The following MYLK2 variants were observed in gnomAD, a reference collection of about 807,000 sequenced individuals.
MYLK2 encodes the protein myosin light chain kinase 2, skeletal/cardiac muscle.
In MYLK2, 27 loss-of-function variants were observed where a neutral mutation model predicts 58.2. That is an observed-to-expected ratio of 0.46 (90% CI 0.34 to 0.64). MYLK2 has a LOEUF of 0.64. Among genes scored for constraint, MYLK2 ranks in the 30% least tolerant of loss-of-function variants. The pLI is 0.01. For missense variants in MYLK2, 676 were observed against 764.3 expected (o/e 0.88, Z 1.36); for synonymous variants, 310 against 296.7 (o/e 1.04, Z -0.46).
chr20:31,826,369 A>T, intron 6 of MYLK2, among the ~76,000 whole-genome samples: 1 of 151,736 alleles, frequency 6.6e-6, no homozygotes, highest in African/African-American at 2.4e-5. Context: ...GAGGATGGAG[A>T]TCTTGGCATG....
Position 31,830,845 on chromosome 20 carries a change from C to T in MYLK2, c.1251C>T (p.Thr417=). 1.2e-6 allele frequency: 2 copies of T among 1,613,892 alleles called. No individual in the cohort carries two copies. Among genetic ancestry groups the T allele is most frequent in the East Asian group, 2.2e-5 (1 of 44,848 alleles). Residue 417 remains threonine, a synonymous_variant, in exon 9 of 13, where the codon ACC becomes ACT. Transcript: ENST00000375985. The part of the protein sequence containing the change: ...LKPENILCVN[T]TGHLVKIIDF... ...CAGAGAACATCCTGTGTGTCAACAC[C>T]ACCGGGCATTTGGTGAAGATCATTG... is the stretch of plus-strand genomic sequence containing the variant.
chr20:31,826,677 A>G lies in MYLK2; in HGVS notation c.1045A>G (p.Ile349Val). The G allele has an allele frequency of 6.2e-7, 1 of 1,614,114 alleles. No homozygotes were observed. The highest frequency in any genetic ancestry group is 8.5e-7 in the Non-Finnish European group (1 of 1,180,022). Reference sequence around the variant, plus strand: ...CAATCTGATCCAGCTGTATGCAGCCATCGAGACTCCGCATGAGATCGTCCT... The same window carrying G: ...CAATCTGATCCAGCTGTATGCAGCCGTCGAGACTCCGCATGAGATCGTCCT... ...HRNLIQLYAAIETPHEIVLFM... is the reference protein window; with the variant it reads ...HRNLIQLYAAVETPHEIVLFM... Residue 349 changes from isoleucine to valine, a missense_variant, in exon 7 of 13, where the codon ATC becomes GTC. Transcript: ENST00000375985.
rs767339174 is a variant in MYLK2, at chr20:31,821,708, C to T, written c.743C>T (p.Ala248Val). Residue 248 changes from alanine (A) to valine (V), a missense_variant, in exon 4 of 13, where the codon GCC becomes GTC. This residue lies in a region of MYLK2 where 370 missense variants were observed against 467.8 expected (regional missense o/e 0.79). Coordinates refer to ENST00000375985, the MANE Select transcript of MYLK2 (RefSeq NM_033118.4). ...GTGGGGCAGGCCCTCTGTCTCACAG[C>T]CAGGGAGGAGGACTGCTTCCAGATT... Reference protein sequence around the residue: ...SEVGQALCLTAREEDCFQILD... With the variant: ...SEVGQALCLTVREEDCFQILD... 6.2e-7 allele frequency: 1 copy of T among 1,609,196 alleles called. No individual in the cohort carries two copies.
rs1244365771 is a variant in MYLK2, at chr20:31,820,448, G to A, written c.375G>A (p.Lys125=). ...QGASGSQDPG[K]PRVGKKAAEG... is the part of the protein sequence containing the mutation. ...CCTCAGGCAGCCAGGATCCTGGAAA[G>A]CCCAGGGTGGGCAAGAAGGCAGCAG... The change falls in exon 3 of 13, where the codon AAG becomes AAA. Residue 125 remains lysine (K), a synonymous_variant. Coordinates refer to ENST00000375985, the MANE Select transcript of MYLK2 (RefSeq NM_033118.4). 3 of 1,612,472 alleles carry A rather than the reference G, an allele frequency of 1.9e-6. No individual in the cohort carries two copies. Among genetic ancestry groups the A allele is most frequent in the South Asian group, 2.2e-5 (2 of 91,090 alleles).
chr20:31,832,826 G>T (rs1425829473), intron 12 of MYLK2, among the ~76,000 whole-genome samples: 1 of 152,156 alleles, frequency 6.6e-6, no homozygotes, highest in East Asian at 1.9e-4. Context: ...GTGGAAATAG[G>T]CAGGGTTAAA....
At chr20:31,827,517 A>G (rs1169562906) in intron 8 of MYLK2, 2 of 985,154 alleles carry the variant, frequency 2.0e-6, no homozygotes, top group Non-Finnish European at 2.4e-6. Context: ...AAGAATATTG[A>G]TATCCTTCTT....
rs1568627884 is a variant in MYLK2, at chr20:31,821,580, G to A, written c.615G>A (p.Lys205=). The change falls in exon 4 of 13, where the codon AAG becomes AAA. Residue 205 remains lysine, a synonymous_variant. Transcript: ENST00000375985. The part of the protein sequence containing the change: ...EGKNILAESQ[K]EVGEKTPGQA... ...AGAACATCCTGGCAGAGAGCCAGAA[G>A]GAAGTGGGAGAGAAAACCCCAGGCC... 4 of 1,614,152 alleles carry A rather than the reference G, an allele frequency of 2.5e-6. No individual in the cohort carries two copies. Among genetic ancestry groups the A allele is most frequent in the Non-Finnish European group, 3.4e-6 (4 of 1,180,056 alleles).
At position 31,831,156 on chromosome 20, in the gene MYLK2, G is replaced by A. The variant is rs762322372; in HGVS notation, c.1424+15G>A. ...ACCTACATGCTGTGAGCTCCCAGGC[G>A]GGTCGTGTTTATGGGGTTGGTGGGG... On this transcript the variant is annotated intron_variant, in intron 10 of 12. Transcript: ENST00000375985. 3.2e-5 allele frequency: 51 copies of A among 1,613,928 alleles called. No individual in the cohort carries two copies. Among genetic ancestry groups the A allele is most frequent in the Non-Finnish European group, 3.7e-5 (44 of 1,179,982 alleles).
chr20:31,828,856 G>A (rs1418510544), intron 8 of MYLK2, among the ~76,000 whole-genome samples: 2 of 152,190 alleles, frequency 1.3e-5, no homozygotes, highest in African/African-American at 2.4e-5. Context: ...GGCCAGAGTG[G>A]ATGCAGGGAA....
rs1405030492 is a variant in MYLK2 at position 31,823,520 on chromosome 20, G to A, written c.816G>A (p.Val272=). ...PPPAPFPHRM[V]ELRTGNVSSE... ...CGGCCCCCTTCCCTCACCGCATGGT[G>A]GAGCTGAGGACCGGGAATGTCAGCA... Residue 272 remains valine (V), a synonymous_variant, in exon 5 of 13, where the codon GTG becomes GTA. Coordinates refer to ENST00000375985, the MANE Select transcript of MYLK2 (RefSeq NM_033118.4). 13 of 1,613,834 alleles carry A rather than the reference G, an allele frequency of 8.1e-6. No individual in the cohort carries two copies. Among genetic ancestry groups the A allele is most frequent in the South Asian group, 2.2e-5 (2 of 91,088 alleles).
chr20:31,823,597 C>G lies in MYLK2; in HGVS notation c.878+15C>G. 1.2e-6 allele frequency: 2 copies of G among 1,610,994 alleles called. No individual in the cohort carries two copies. The highest frequency in any genetic ancestry group is 1.7e-6 in the Non-Finnish European group (2 of 1,177,586). ...GCGCTCGGAGGGTGAGATCTGGGACCCCAGCTGGGCACTCATGGACAGAGA... is the reference window on the plus strand; with the variant it reads ...GCGCTCGGAGGGTGAGATCTGGGACGCCAGCTGGGCACTCATGGACAGAGA... On this transcript the variant is annotated intron_variant, in intron 5 of 12. Transcript: ENST00000375985.
In MYLK2 at chr20:31,833,801, C is replaced by G; in HGVS notation, c.*4C>G. ...ACTGATGGCTCTGGGGGTCTGAGCC[C>G]TGGGCGCAGCTGAAGCCTGGACGCA... On this transcript the variant is annotated 3_prime_UTR_variant, in exon 13 of 13. Transcript: ENST00000375985. The G allele has an allele frequency of 6.2e-7, 1 of 1,611,174 alleles. No homozygotes were observed. The highest frequency in any genetic ancestry group is 8.5e-7 in the Non-Finnish European group (1 of 1,179,328).
In MYLK2 at chr20:31,821,526, TC is replaced by T; in HGVS notation, c.564del (p.Arg189GlyfsTer86). 6.2e-7 allele frequency: 1 copy of T among 1,613,946 alleles called. No homozygotes were observed. Among genetic ancestry groups the T allele is most frequent in the Non-Finnish European group, 8.5e-7 (1 of 1,180,034 alleles). ...GVPMTHSPTD[P>X]RPAKAEEGKN... ...TGCCCATGACCCACAGCCCCACGGATCCCAGGCCAGCCAAGGCAGAAGAAGG... is the reference window on the plus strand; with the variant it reads ...TGCCCATGACCCACAGCCCCACGGATCCAGGCCAGCCAAGGCAGAAGAAGG... On this transcript the variant is annotated frameshift_variant, in exon 4 of 13. Coordinates refer to ENST00000375985, the MANE Select transcript of MYLK2 (RefSeq NM_033118.4). LOFTEE classifies it high-confidence loss of function.
chr20:31,822,896 G>A (rs1322153169), intron 4 of MYLK2, among the ~76,000 whole-genome samples: 1 of 152,180 alleles, frequency 6.6e-6, no homozygotes, highest in Admixed American at 6.5e-5. Context: ...GCCGCCTCTT[G>A]CTATTTATAA....
intron 8 of MYLK2, chr20:31,828,685 A>G: frequency 1.0e-6 from 1 of 985,422 alleles, no homozygotes. Context: ...AGGCAGGGAG[A>G]TGCTGTTGCC....
At chr20:31,824,876 G>A (rs960558570) in intron 6 of MYLK2, among the ~76,000 whole-genome samples, 6 of 152,220 alleles carry the variant, frequency 3.9e-5, no homozygotes, top group Admixed American at 2.6e-4. Context: ...TAGCAACCTC[G>A]TGTGACCACA....
In MYLK2 at chr20:31,831,013, G is replaced by A. The variant is rs1214562005; in HGVS notation, c.1296G>A (p.Arg432=). 1.2e-6 allele frequency: 2 copies of A among 1,614,170 alleles called. No individual in the cohort carries two copies. The highest frequency in any genetic ancestry group is 2.2e-5 in the South Asian group (2 of 91,088). ...TCTCAGCCCTTGGTCTCACCCCCAG[G>A]TATAACCCCAACGAGAAGCTGAAGG... The part of the protein sequence containing the change: ...VKIIDFGLAR[R]YNPNEKLKVN... Residue 432 remains arginine (R), a splice_region_variant and synonymous_variant, in exon 10 of 13, where the codon AGG becomes AGA. Coordinates refer to ENST00000375985, the MANE Select transcript of MYLK2 (RefSeq NM_033118.4).
rs917664217 is a variant in MYLK2 at position 31,819,484 on chromosome 20, C to T, written c.-48-49C>T. 34 of 1,492,550 alleles carry T rather than the reference C, an allele frequency of 2.3e-5. No individual in the cohort carries two copies. The East Asian group carries it at 3.0e-4, about 13-fold the overall frequency. The allele number at this position is 1,492,550 out of a possible 1,614,324, so 92.5% of individuals were successfully genotyped here. A position where few individuals can be genotyped will look rare whatever the true frequency, so the allele number is the denominator to read the frequency against. ...GGCTTCCTGTCTCACTGCAGCCAGA[C>T]GAGAGGGGAAATTGGACAGCCTGAC... is the stretch of plus-strand genomic sequence containing the variant. On this transcript the variant is annotated intron_variant, in intron 1 of 12. Coordinates refer to ENST00000375985, the MANE Select transcript of MYLK2 (RefSeq NM_033118.4).
At position 31,820,392 on chromosome 20, in the gene MYLK2, A is replaced by T; in HGVS notation, c.319A>T (p.Ser107Cys). 6.2e-7 allele frequency: 1 copy of T among 1,612,704 alleles called. No homozygotes were observed. The highest frequency in any genetic ancestry group is 8.5e-7 in the Non-Finnish European group (1 of 1,179,730). Reference sequence around the variant, plus strand: ...CCAGCAGACTGCGACACCTGAGACCAGCGTCAAGAAGCCCAAGGCTGAGCA... The same window carrying T: ...CCAGCAGACTGCGACACCTGAGACCTGCGTCAAGAAGCCCAAGGCTGAGCA... ...LPQQTATPET[S>C]VKKPKAEQGA... The change falls in exon 3 of 13, where the codon AGC becomes TGC. Residue 107 changes from serine (S) to cysteine (C), a missense_variant. By Grantham distance (112) the Ser-to-Cys change is moderately radical. This residue lies in a region of MYLK2 where 306 missense variants were observed against 296.5 expected (regional missense o/e 1.03). Transcript: ENST00000375985.
Sources: gnomAD v4.1 joint callset for allele counts (sites outside exome capture counted in the v4.1 genomes callset) on GRCh38, gnomAD v4.1.1 for gene constraint, gnomAD v4.1.1 regional missense constraint, MANE v1.5 for transcripts, NCBI Gene and HGNC (gene_info 2026-07-23, HGNC 2026-07-21) for gene names.